The following TMEM232 variants were observed in gnomAD, a reference collection of about 807,000 sequenced individuals.
TMEM232 encodes the protein transmembrane protein 232.
TMEM232 carries 80 observed loss-of-function variants against 78.8 expected under a neutral mutation model. The observed-to-expected ratio is 1.01, with a 90% CI of 0.85 to 1.22. The LOEUF is 1.22. Among genes scored for constraint, TMEM232 ranks in the 50% most tolerant of loss-of-function variants. The pLI is 0.00. For synonymous variants in TMEM232, 297 were observed against 254.3 expected (o/e 1.17, Z -1.60); for missense variants, 881 against 742.2 (o/e 1.19, Z -2.17).
chr5:110,676,852 C>T (rs528085703), intron 1 of TMEM232, among the ~76,000 whole-genome samples: 9 of 151,812 alleles, frequency 5.9e-5, no homozygotes, highest in South Asian at 4.2e-4. Context: ...TCCACCTCCC[C>T]GGTTCGAGCG....
At position 110,655,620 on chromosome 5, in the gene TMEM232, G is replaced by A. The variant is rs1266002390; in HGVS notation, c.125+11608C>T. ...ACACATGCACACGTATGTTTATTGC[G>A]GCACTATTCACAATAGCAAAGACTT... is the stretch of plus-strand genomic sequence containing the variant. On this transcript the variant is annotated intron_variant, in intron 2 of 13. Coordinates refer to ENST00000455884, the MANE Select transcript of TMEM232 (RefSeq NM_001039763.4). Among the ~76,000 whole-genome samples, 11 of 148,428 alleles carry A rather than the reference G, an allele frequency of 7.4e-5. 1 individual carries two copies. Among genetic ancestry groups the A allele is most frequent in the Admixed American group, 2.0e-4 (3 of 14,860 alleles).
chr5:110,557,475 C>T (rs73222658), intron 11 of TMEM232, among the ~76,000 whole-genome samples: 6,883 of 152,076 alleles, frequency 0.045, 553 homozygotes, highest in African/African-American at 0.16. Context: ...ACTGCTATAA[C>T]GAAATACCTG....
At chr5:110,450,495 T>C (rs1182600294) in intron 12 of TMEM232, among the ~76,000 whole-genome samples, 1 of 152,156 alleles carries the variant, frequency 6.6e-6, no homozygotes, top group Non-Finnish European at 1.5e-5. Context: ...TTATTAACTA[T>C]TGCGAGTTAA....
At chr5:110,563,780 C>G (rs1026716077) in intron 11 of TMEM232, among the ~76,000 whole-genome samples, 1 of 151,730 alleles carries the variant, frequency 6.6e-6, no homozygotes, top group Admixed American at 6.6e-5. Flanking sequence ...TACTTTGGGG[C>G]TCCTAATCCA....
chr5:110,543,393 T>C (rs1190146503), intron 11 of TMEM232, among the ~76,000 whole-genome samples: 5 of 152,216 alleles, frequency 3.3e-5, no homozygotes, highest in African/African-American at 9.6e-5. Flanking sequence ...GTCAAATGTA[T>C]ACTTTCCTTA....
At chr5:110,707,050 A>G (rs148351281) in intron 1 of TMEM232, among the ~76,000 whole-genome samples, 587 of 152,308 alleles carry the variant, frequency 3.9e-3, no homozygotes, top group Non-Finnish European at 6.4e-3. Flanking sequence ...AATTTTCAGA[A>G]AAAGGAATAT....
chr5:110,667,262 G>T lies in TMEM232; in HGVS notation c.91C>A (p.Gln31Lys). ...YHEELWKLNF[Q>K]HLSGERGHKS... ...TGACCCCTTTCTCCACTTAAATGTTGAAAATTTAATTTCCAGAGCTCTTCA... is the reference window on the plus strand; with the variant it reads ...TGACCCCTTTCTCCACTTAAATGTTTAAAATTTAATTTCCAGAGCTCTTCA... Residue 31 changes from glutamine (Q) to lysine (K), a missense_variant, in exon 2 of 14, where the codon CAA (glutamine) becomes AAA (lysine). Gln to Lys is a moderately conservative substitution (Grantham distance 53). Transcript: ENST00000455884. 5 of 1,545,714 alleles carry T rather than the reference G, an allele frequency of 3.2e-6. No individual in the cohort carries two copies. The highest frequency in any genetic ancestry group is 4.4e-6 in the Non-Finnish European group (5 of 1,143,728).
intron 1 of TMEM232, among the ~76,000 whole-genome samples, chr5:110,701,269 C>G (rs1795414540): frequency 6.6e-6 from 1 of 151,928 alleles, no homozygotes; most frequent in Admixed American, 6.6e-5. Context: ...TTCCAATCAT[C>G]TACTGAAATA....
intron 12 of TMEM232, among the ~76,000 whole-genome samples, chr5:110,444,627 C>T (rs1759448965): frequency 6.6e-6 from 1 of 152,150 alleles, no homozygotes; most frequent in African/African-American, 2.4e-5. Flanking sequence ...TGCCATCTTG[C>T]TCTACCCCTT....
At chr5:110,690,158 C>T (rs758115527) in intron 1 of TMEM232, among the ~76,000 whole-genome samples, 2 of 152,140 alleles carry the variant, frequency 1.3e-5, no homozygotes, top group Admixed American at 6.5e-5. Context: ...AACTAAAGAG[C>T]TTCTAGACAG....
chr5:110,426,610 GCAACCAGGAAA>G (rs1757258799), intron 12 of TMEM232, among the ~76,000 whole-genome samples: 1 of 151,938 alleles, frequency 6.6e-6, no homozygotes, highest in Non-Finnish European at 1.5e-5. Flanking sequence ...GAAGTTACAG[GCAACCAGGAAA>G]AATGGAACCC....
intron 1 of TMEM232, among the ~76,000 whole-genome samples, chr5:110,670,134 C>T (rs1304605778): frequency 6.6e-6 from 1 of 152,024 alleles, no homozygotes; most frequent in African/African-American, 2.4e-5. Flanking sequence ...CTGGCCAGGG[C>T]AATTAGACAG....
chr5:110,611,393 G>T (rs1782252853), intron 8 of TMEM232, among the ~76,000 whole-genome samples: 1 of 152,088 alleles, frequency 6.6e-6, no homozygotes, highest in Admixed American at 6.6e-5. Context: ...TTTTTCTCCT[G>T]CTTACAGGAC....
intron 3 of TMEM232, among the ~76,000 whole-genome samples, chr5:110,397,328 A>C (rs1300098257): frequency 6.6e-6 from 1 of 152,170 alleles, no homozygotes; most frequent in African/African-American, 2.4e-5. Context: ...ATTACTGCAA[A>C]AATACCCCAA....
rs150369880 is a variant in TMEM232, at chr5:110,732,553, C to T, written c.-13+2350G>A. On this transcript the variant is annotated intron_variant, in intron 2 of 4. Transcript: ENST00000512886. ...GAGAAAAATGAGGAATAAGAAAAAGCGGAAACCCCTGATAAGCCCATCAGA... is the reference window on the plus strand; with the variant it reads ...GAGAAAAATGAGGAATAAGAAAAAGTGGAAACCCCTGATAAGCCCATCAGA... Among the ~76,000 whole-genome samples the T allele has an allele frequency of 6.6e-5, 10 of 152,230 alleles. No individual in the cohort carries two copies. The East Asian group carries it at 1.2e-3, about 18-fold the overall frequency.
chr5:110,486,523 T>C (rs1009760138), intron 12 of TMEM232, among the ~76,000 whole-genome samples: 2 of 152,124 alleles, frequency 1.3e-5, no homozygotes, highest in African/African-American at 4.8e-5. Context: ...CCAGTTTCAT[T>C]CTCCTACATG....
intron 1 of TMEM232, among the ~76,000 whole-genome samples, chr5:110,675,993 T>C (rs757341746): frequency 6.6e-6 from 1 of 152,224 alleles, no homozygotes; most frequent in Non-Finnish European, 1.5e-5. Flanking sequence ...TAGTTTTAGA[T>C]TCTACGTATA....
chr5:110,699,696 C>T (rs867622835), intron 1 of TMEM232, among the ~76,000 whole-genome samples: 22 of 152,088 alleles, frequency 1.4e-4, no homozygotes, highest in African/African-American at 4.8e-4. Context: ...TTTGCCTTCT[C>T]TTGCTACCAC....
At chr5:110,735,531 T>C (rs1256572582) in intron 1 of TMEM232, among the ~76,000 whole-genome samples, 1 of 152,174 alleles carries the variant, frequency 6.6e-6, no homozygotes, top group East Asian at 1.9e-4. Flanking sequence ...AATTGTTATA[T>C]AGTGATTTAA....
Sources: gnomAD v4.1 joint callset for allele counts (sites outside exome capture counted in the v4.1 genomes callset) on GRCh38, gnomAD v4.1.1 for gene constraint, MANE v1.5 for transcripts, NCBI Gene and HGNC (gene_info 2026-07-23, HGNC 2026-07-21) for gene names.